ARSL: variants seen among roughly 807,000 people sequenced by gnomAD.
ARSL encodes the protein arylsulfatase L, also known as arylsulfatase E (chondrodysplasia punctata 1).
A neutral mutation model predicts 31.1 loss-of-function variants in ARSL; 4 were observed. The observed-to-expected ratio is 0.13, with a 90% CI of 0.06 to 0.29. The LOEUF is 0.29. ARSL is among the 10% of genes least tolerant of loss of function. ARSL has a pLI of 1.00. For missense variants in ARSL, 312 were observed against 497.8 expected (o/e 0.63, Z 3.55); for synonymous variants, 198 against 209.9 (o/e 0.94, Z 0.49).
Position 2,960,402 on chromosome X carries a change from T to A in ARSL, c.-2A>T, listed in dbSNP as rs2089608256. On this transcript the variant is annotated 5_prime_UTR_variant, in exon 2 of 11. Coordinates refer to ENST00000381134, the MANE Select transcript of ARSL (RefSeq NM_000047.3). ...CCAAGAATGGTGCAGATGTAACATG[T>A]TGTCTCTCTCTCTACTTCCTGTAAG... The A allele has an allele frequency of 8.3e-7, 1 of 1,202,338 alleles. No individual in the cohort carries two copies. The highest frequency in any genetic ancestry group is 1.1e-6 in the Non-Finnish European group (1 of 889,297).
chrX:2,940,578 GA>G (rs1377868375), intron 8 of ARSL, among the ~76,000 whole-genome samples: 2 of 111,540 alleles, frequency 1.8e-5, no homozygotes, highest in Non-Finnish European at 3.8e-5. Context: ...TAGCACGGGG[GA>G]AAAGGGAGTG....
rs749435772 is a variant in ARSL, at chrX:2,934,746, G to A, written c.*86C>T. 1,036 of 960,567 alleles carry A rather than the reference G, an allele frequency of 1.1e-3. 3 individuals carry two copies. Among genetic ancestry groups the A allele is most frequent in the South Asian group, 4.0e-3 (177 of 44,408 alleles). 79.2% of individuals were successfully genotyped at this position (960,567 alleles called of 1,213,427 possible). Reference sequence around the variant, plus strand: ...CTGTGGTGGCCTCCTAAAGTGCTGGGATGACAACCACCATGGCCAGCTGGT... The same window carrying A: ...CTGTGGTGGCCTCCTAAAGTGCTGGAATGACAACCACCATGGCCAGCTGGT... On this transcript the variant is annotated 3_prime_UTR_variant, in exon 11 of 11. Coordinates refer to ENST00000381134, the MANE Select transcript of ARSL (RefSeq NM_000047.3).
upstream of ARSL, among the ~76,000 whole-genome samples, chrX:2,966,711 AAAT>A (rs1335450534): frequency 1.8e-5 from 2 of 109,305 alleles, no homozygotes; most frequent in Non-Finnish European, 3.8e-5. Context: ...TTCTTTACAA[AAAT>A]AATATATACT....
chrX:2,936,953 G>A, intron 9 of ARSL, 90 bp from the exon 10 acceptor site: 1 of 1,128,850 alleles, frequency 8.9e-7, no homozygotes, highest in Non-Finnish European at 1.2e-6. Flanking sequence ...GCCCCAGGTG[G>A]TGCACTCTCC....
chrX:2,960,102 T>C (rs1361560496), intron 2 of ARSL, among the ~76,000 whole-genome samples: 18 of 98,177 alleles, frequency 1.8e-4, no homozygotes, highest in African/African-American at 6.3e-4. Context: ...ACCCCGTCTC[T>C]ACTAAAAATA....
intron 8 of ARSL, among the ~76,000 whole-genome samples, chrX:2,941,134 C>T (rs1268884998): frequency 9.1e-6 from 1 of 110,343 alleles, no homozygotes; most frequent in Non-Finnish European, 1.9e-5. Context: ...TCCTCTCTGG[C>T]ATTAACATCC....
chrX:2,944,326 T>C (rs754517137), intron 7 of ARSL, among the ~76,000 whole-genome samples: 1,192 of 108,111 alleles, frequency 0.011, 14 homozygotes, highest in African/African-American at 0.037. Flanking sequence ...TGGTGGCGGG[T>C]GCCTGTAAAC....
chrX:2,953,074 C>T, intron 5 of ARSL, 69 bp downstream of exon 5: 1 of 1,165,909 alleles, frequency 8.6e-7, no homozygotes, highest in Non-Finnish European at 1.2e-6. Context: ...CTTTCCTTTC[C>T]AAACTCTTTA....
At chrX:2,960,578 C>G (rs758797540) in intron 1 of ARSL, 158 bp from the exon 2 acceptor site, 27 of 511,852 alleles carry the variant, frequency 5.3e-5, no homozygotes, top group Non-Finnish European at 8.3e-5. Flanking sequence ...TAAAGGAATG[C>G]TCTTCCCGAG....
At position 2,960,315 on chromosome X, in the gene ARSL, A is replaced by G. The variant is rs373627690; in HGVS notation, c.23+63T>C. On this transcript the variant is annotated intron_variant, in intron 2 of 10. Coordinates refer to ENST00000381134, the MANE Select transcript of ARSL (RefSeq NM_000047.3). ...AAAAAGAAGAGAAAGAAGGGAAGGA[A>G]GGAAGAGAAAGAAAGAAAGAAAGAA... is the stretch of plus-strand genomic sequence containing the variant. 1.1e-3 allele frequency: 711 copies of G among 647,714 alleles called. 1 individual carries two copies. The highest frequency in any genetic ancestry group is 1.6e-3 in the South Asian group (56 of 36,056). 53.4% of individuals were successfully genotyped at this position (647,714 alleles called of 1,213,427 possible).
At chrX:2,951,678 G>T (rs1489425793) in intron 5 of ARSL, among the ~76,000 whole-genome samples, 1 of 105,306 alleles carries the variant, frequency 9.5e-6, no homozygotes, top group Non-Finnish European at 1.9e-5. Flanking sequence ...GTGCAAGCCT[G>T]TAGTACCAAC....
intron 1 of ARSL, among the ~76,000 whole-genome samples, chrX:2,963,533 C>CTTTTTTTTT (rs769134287): frequency 1.7e-5 from 1 of 59,782 alleles, no homozygotes; most frequent in Non-Finnish European, 2.9e-5. Flanking sequence ...TTTTCTTTTC[C>CTTTTTTTTT]TTTTTTTTTT....
intron 6 of ARSL, among the ~76,000 whole-genome samples, chrX:2,948,546 GCT>G (rs1207383038): frequency 1.8e-5 from 2 of 110,988 alleles, no homozygotes; most frequent in Non-Finnish European, 3.8e-5. Flanking sequence ...TGTCGCCCAG[GCT>G]CCCTTCATAG....
At chrX:2,968,191 G>A (rs746831030), upstream of ARSL, 160 of 1,151,877 alleles carry the variant, frequency 1.4e-4, no homozygotes, top group African/African-American at 2.5e-3. Flanking sequence ...TGGATGTAGC[G>A]GGGAGGCTGC....
At chrX:2,943,293 C>G in intron 7 of ARSL, 94 bp from the exon 8 acceptor site, 1 of 1,066,992 alleles carries the variant, frequency 9.4e-7, no homozygotes, top group East Asian at 3.1e-5. Context: ...GGGCTAGCCA[C>G]AAGAATGAAG....
Position 2,949,616 on chromosome X carries a change from C to T in ARSL, c.542G>A (p.Cys181Tyr). ...YGMPFSLMGD[C>Y]ARWELSEKRV... ...CTTCTCTGAGAGTTCCCAGCGGGCG[C>T]AATCACCCATCAAGGAGAAAGGCAT... is the stretch of plus-strand genomic sequence containing the variant. Residue 181 changes from cysteine to tyrosine, a missense_variant, in exon 6 of 11, where the codon TGC (cysteine) becomes TAC (tyrosine). Transcript: ENST00000381134. 1 of 1,211,411 alleles carries T rather than the reference C, an allele frequency of 8.3e-7. No individual in the cohort carries two copies. Among genetic ancestry groups the T allele is most frequent in the Non-Finnish European group, 1.1e-6 (1 of 895,488 alleles).
chrX:2,965,999 C>G (rs113807889), upstream of ARSL, among the ~76,000 whole-genome samples: 1 of 112,457 alleles, frequency 8.9e-6, no homozygotes, highest in Non-Finnish European at 1.9e-5. Context: ...TGGAACCCTA[C>G]GCAATGGTCC....
chrX:2,947,291 CTG>C (rs1270492507), intron 6 of ARSL, among the ~76,000 whole-genome samples: 2 of 112,369 alleles, frequency 1.8e-5, no homozygotes, highest in East Asian at 5.5e-4. Flanking sequence ...GTTAAAAGAA[CTG>C]TAGGTTACTG....
chrX:2,959,636 G>A, intron 2 of ARSL: 1 of 1,154,177 alleles, frequency 8.7e-7, no homozygotes, highest in Non-Finnish European at 1.1e-6. Context: ...AATTCCTTCT[G>A]AGGCTGCCTG....
Sources: gnomAD v4.1 joint callset for allele counts (sites outside exome capture counted in the v4.1 genomes callset) on GRCh38, gnomAD v4.1.1 for gene constraint, MANE v1.5 for transcripts, NCBI Gene and HGNC (gene_info 2026-07-23, HGNC 2026-07-21) for gene names.